NCBP2L: variants seen among roughly 807,000 people sequenced by gnomAD.
The protein encoded by NCBP2L is nuclear cap-binding protein subunit 2-like.
For missense variants in NCBP2L, 95 were observed against 53.1 expected, an observed-to-expected ratio of 1.79 and a Z score of -2.45; for synonymous variants, 39 against 19.2, an observed-to-expected ratio of 2.04 and a Z score of -2.70.
intron 1 of NCBP2L, among the ~76,000 whole-genome samples, chrX:107,790,155 G>A (rs1930432696): frequency 1.8e-5 from 2 of 111,424 alleles, no homozygotes; most frequent in African/African-American, 6.5e-5. Context: ...GCTGAAACTC[G>A]GTAGTCATCC....
intron 1 of NCBP2L, among the ~76,000 whole-genome samples, chrX:107,792,447 C>T (rs1193276434): frequency 9.0e-6 from 1 of 111,420 alleles, no homozygotes; most frequent in Non-Finnish European, 1.9e-5. Context: ...TACTTTCAGA[C>T]ATCCTTGACA....
intron 1 of NCBP2L, among the ~76,000 whole-genome samples, chrX:107,782,209 A>AT (rs1930307133): frequency 1.9e-4 from 4 of 21,578 alleles, no homozygotes; most frequent in African/African-American, 8.6e-4. Context: ...ATATATATAT[A>AT]AATATATATA....
intron 1 of NCBP2L, among the ~76,000 whole-genome samples, chrX:107,779,776 G>A (rs1171931138): frequency 2.9e-4 from 20 of 69,206 alleles, no homozygotes; most frequent in Non-Finnish European, 4.2e-4. Context: ...ACAGAGTCTC[G>A]CTCTGTCGCC....
At chrX:107,778,437 G>C (rs1930218657) in intron 1 of NCBP2L, among the ~76,000 whole-genome samples, 2 of 112,379 alleles carry the variant, frequency 1.8e-5, no homozygotes, top group Admixed American at 1.9e-4. Flanking sequence ...GGTTGATCAA[G>C]AGTAAATATA....
chrX:107,787,997 G>A (rs944111952), intron 1 of NCBP2L, among the ~76,000 whole-genome samples: 6 of 111,885 alleles, frequency 5.4e-5, no homozygotes, highest in African/African-American at 1.3e-4. Flanking sequence ...CCTCTCCTCC[G>A]TCCTCTTAGG....
chrX:107,778,824 A>G (rs1227608433), intron 1 of NCBP2L, among the ~76,000 whole-genome samples: 2 of 112,373 alleles, frequency 1.8e-5, no homozygotes, highest in Non-Finnish European at 3.8e-5. Context: ...ATTCAGAGGT[A>G]AACAAAACAG....
chrX:107,782,188 TATATATAAATATATATATATAA>T (rs1930303924), intron 1 of NCBP2L, among the ~76,000 whole-genome samples: 1 of 22,509 alleles, frequency 4.4e-5, no homozygotes, highest in African/African-American at 2.7e-4. Flanking sequence ...TATAAATATA[TATATATAAATATATATATATAA>T]ATATATATAT....
At chrX:107,781,629 T>TTCTA (rs1372363522) in intron 1 of NCBP2L, among the ~76,000 whole-genome samples, 145 of 89,668 alleles carry the variant, frequency 1.6e-3, no homozygotes, top group African/African-American at 5.4e-3. Flanking sequence ...CCATCTATCA[T>TTCTA]TCTATCTATC....
intron 1 of NCBP2L, among the ~76,000 whole-genome samples, chrX:107,778,542 C>A (rs977531397): frequency 1.8e-5 from 2 of 112,860 alleles, no homozygotes; most frequent in African/African-American, 6.4e-5. Flanking sequence ...ATATTGCACA[C>A]CTCCTCAGGA....
At chrX:107,781,661 T>TCTATCTATCTAG (rs1416882843) in intron 1 of NCBP2L, among the ~76,000 whole-genome samples, 17 of 69,728 alleles carry the variant, frequency 2.4e-4, no homozygotes, top group Non-Finnish European at 3.8e-4. Context: ...CATCTATCTA[T>TCTATCTATCTAG]CTATCTATCT....
intron 1 of NCBP2L, among the ~76,000 whole-genome samples, chrX:107,786,683 A>G (rs1056697737): frequency 1.3e-4 from 14 of 111,417 alleles, no homozygotes; most frequent in African/African-American, 4.6e-4. Context: ...CCCTCATTTC[A>G]TTTCATTCTC....
chrX:107,783,358 C>CTTTTTTTTTTTTTT (rs769083822), intron 1 of NCBP2L, among the ~76,000 whole-genome samples: 55 of 61,942 alleles, frequency 8.9e-4, no homozygotes, highest in Non-Finnish European at 1.1e-3. Flanking sequence ...TGGCACTTGC[C>CTTTTTTTTTTTTTT]TTTTTTTTTT....
At chrX:107,778,102 T>G (rs1231022927) in intron 1 of NCBP2L, among the ~76,000 whole-genome samples, 3 of 111,412 alleles carry the variant, frequency 2.7e-5, no homozygotes, top group Non-Finnish European at 5.7e-5. Flanking sequence ...TATAGTCTAC[T>G]AAATTGTTTT....
At chrX:107,784,373 G>A (rs1031707741) in intron 1 of NCBP2L, among the ~76,000 whole-genome samples, 1 of 110,803 alleles carries the variant, frequency 9.0e-6, no homozygotes, top group African/African-American at 3.3e-5. Context: ...GGTTTGGCTG[G>A]ACTGAGATAG....
intron 1 of NCBP2L, among the ~76,000 whole-genome samples, chrX:107,787,115 T>G (rs1354813818): frequency 8.9e-6 from 1 of 111,921 alleles, no homozygotes; most frequent in Non-Finnish European, 1.9e-5. Context: ...TGAAGATTAT[T>G]ATTCAGCAGA....
chrX:107,794,495 C>T lies in NCBP2L; in HGVS notation c.275C>T (p.Ala92Val). The T allele has an allele frequency of 1.8e-6, 1 of 570,268 alleles. No homozygotes were observed. Among genetic ancestry groups the T allele is most frequent in the South Asian group, 2.2e-5 (1 of 45,008 alleles). 47.0% of individuals were successfully genotyped at this position (570,268 alleles called of 1,213,427 possible). A position where few individuals can be genotyped will look rare whatever the true frequency, so the allele number is the denominator to read the frequency against. Reference sequence around the variant, plus strand: ...GTAGAATGCCATAACAGAGCTGATGCTGAAAATGCCATGCGGTTTCTAACT... The same window carrying T: ...GTAGAATGCCATAACAGAGCTGATGTTGAAAATGCCATGCGGTTTCTAACT... ...CFVECHNRADAENAMRFLTGT... is the reference protein window; with the variant it reads ...CFVECHNRADVENAMRFLTGT... The change falls in exon 2 of 2, where the codon GCT becomes GTT. Residue 92 changes from alanine to valine, a missense_variant. Physicochemically the swap from Ala to Val is moderately conservative, Grantham distance 64 (BLOSUM62 0). Coordinates refer to ENST00000509000, the MANE Select transcript of NCBP2L (RefSeq NM_001348372.2).
Position 107,794,614 on chromosome X carries a change from G to T in NCBP2L, c.394G>T (p.Val132Leu), listed in dbSNP as rs765806781. Residue 132 changes from valine to leucine, a missense_variant, in exon 2 of 2, where the codon GTA (valine) becomes TTA (leucine). Transcript: ENST00000509000. ...TGGTCGCGGTAAATCTGGGGGTCAGGTAAGGGATGAGTTTCGTGAAGATTT... is the reference window on the plus strand; with the variant it reads ...TGGTCGCGGTAAATCTGGGGGTCAGTTAAGGGATGAGTTTCGTGAAGATTT... The part of the protein sequence containing the change: ...QYGRGKSGGQ[V>L]RDEFREDFHS... The T allele has an allele frequency of 8.5e-5, 48 of 567,532 alleles. 1 individual carries two copies. Among genetic ancestry groups the T allele is most frequent in the South Asian group, 7.2e-4 (32 of 44,744 alleles). 46.8% of individuals were successfully genotyped at this position (567,532 alleles called of 1,213,427 possible).
chrX:107,781,216 CTTTTTT>C (rs752190503), intron 1 of NCBP2L, among the ~76,000 whole-genome samples: 1 of 89,850 alleles, frequency 1.1e-5, no homozygotes, highest in Non-Finnish European at 2.2e-5. Context: ...TGAAGGCCGG[CTTTTTT>C]TTTTTTTTTT....
At chrX:107,782,233 AT>A (rs1260450959) in intron 1 of NCBP2L, among the ~76,000 whole-genome samples, 19 of 21,149 alleles carry the variant, frequency 9.0e-4, no homozygotes, top group East Asian at 1.7e-3. Context: ...ATATATATAT[AT>A]AAATATATAT....
Sources: allele counts gnomAD v4.1 joint callset (sites outside exome capture counted in the v4.1 genomes callset), GRCh38; gene constraint gnomAD v4.1.1; transcripts MANE v1.5; gene names NCBI Gene and HGNC (gene_info 2026-07-23, HGNC 2026-07-21).